The following ABCB5 variants were observed in gnomAD, a reference collection of about 807,000 sequenced individuals.
ABCB5 encodes ATP-binding cassette sub-family B member 5.
In ABCB5, 155 loss-of-function variants were observed where a neutral mutation model predicts 144.2. The ratio of observed to expected loss-of-function variants is 1.08; its 90% CI spans 0.94 to 1.23. The LOEUF (loss-of-function observed/expected upper bound fraction) is 1.23, where lower values mean the gene tolerates loss of function less well. Ranked by LOEUF, ABCB5 falls within the 50% of genes most tolerant of loss-of-function variation. ABCB5 has a pLI of 0.00. For missense variants in ABCB5, 1,830 were observed against 1,520.8 expected, an observed-to-expected ratio of 1.20 and a Z score of -3.38; for synonymous variants, 610 against 528.6, an observed-to-expected ratio of 1.15 and a Z score of -2.11.
intron 5 of ABCB5, among the ~76,000 whole-genome samples, chr7:20,638,983 T>C (rs546710043): frequency 5.7e-4 from 87 of 152,322 alleles, no homozygotes; most frequent in African/African-American, 2.0e-3. Flanking sequence ...ACCAGCAGTG[T>C]CTGAGGGTTC....
Position 20,742,938 on chromosome 7 carries a change from A to T in ABCB5, c.3086A>T (p.Asp1029Val). Reference sequence around the variant, plus strand: ...TCTTTCTTCTATCCATGTCGCCCAGATGTTTTCATCCTCCGTGGCTTATCC... The same window carrying T: ...TCTTTCTTCTATCCATGTCGCCCAGTTGTTTTCATCCTCCGTGGCTTATCC... ...EVSFFYPCRP[D>V]VFILRGLSLS... is the part of the protein sequence containing the mutation. Residue 1029 changes from aspartate to valine, a missense_variant, in exon 25 of 28, where the codon GAT becomes GTT. Coordinates refer to ENST00000404938, the MANE Select transcript of ABCB5 (RefSeq NM_001163941.2). The T allele has an allele frequency of 2.5e-6, 4 of 1,614,178 alleles. No homozygotes were observed. The highest frequency in any genetic ancestry group is 3.4e-6 in the Non-Finnish European group (4 of 1,180,038).
chr7:20,732,245 A>G (rs535444184), intron 23 of ABCB5, among the ~76,000 whole-genome samples: 83 of 151,722 alleles, frequency 5.5e-4, no homozygotes, highest in African/African-American at 1.9e-3. Context: ...TTTTCTTACC[A>G]CTCAGGCTTC....
intron 14 of ABCB5, among the ~76,000 whole-genome samples, chr7:20,665,129 G>A (rs1785131523): frequency 6.6e-6 from 1 of 152,088 alleles, no homozygotes; most frequent in African/African-American, 2.4e-5. Context: ...AGTACACGTG[G>A]GTTCATTTTA....
Position 20,645,979 on chromosome 7 carries a change from A to C in ABCB5, c.822A>C (p.Lys274Asn). 1 of 1,613,602 alleles carries C rather than the reference A, an allele frequency of 6.2e-7. No individual in the cohort carries two copies. The highest frequency in any genetic ancestry group is 8.5e-7 in the Non-Finnish European group (1 of 1,179,744). Residue 274 changes from lysine to asparagine, a missense_variant, in exon 9 of 28, where the codon AAA becomes AAC. Lys to Asn is a moderately conservative substitution (Grantham distance 94). Coordinates refer to ENST00000404938, the MANE Select transcript of ABCB5 (RefSeq NM_001163941.2). The stretch of plus-strand genomic sequence containing the variant: ...TTGTAAGGTATACACAGAATCTCAA[A>C]GATGCAAAGGATTTTGGCATAAAAA... ...KELQRYTQNL[K>N]DAKDFGIKRT...
At chr7:20,662,210 A>G (rs1441798937) in intron 14 of ABCB5, among the ~76,000 whole-genome samples, 1 of 135,920 alleles carries the variant, frequency 7.4e-6, no homozygotes, top group East Asian at 2.0e-4. Context: ...TTATGAAGGA[A>G]GAGTTATCAT....
At chr7:20,749,056 C>A (rs557252891) in intron 26 of ABCB5, among the ~76,000 whole-genome samples, 29 of 152,064 alleles carry the variant, frequency 1.9e-4, no homozygotes, top group African/African-American at 6.7e-4. Context: ...CTCTCCCTTT[C>A]TTTCTCTCTC....
At chr7:20,722,380 A>AGAGCC (rs1781896029) in intron 20 of ABCB5, among the ~76,000 whole-genome samples, 1 of 152,214 alleles carries the variant, frequency 6.6e-6, no homozygotes, top group Non-Finnish European at 1.5e-5. Context: ...AATCCTGCTA[A>AGAGCC]ACTATTTAAG....
intron 19 of ABCB5, among the ~76,000 whole-genome samples, chr7:20,700,461 GT>G (rs1439057831): frequency 9.2e-5 from 14 of 152,336 alleles, no homozygotes; most frequent in African/African-American, 3.1e-4. Flanking sequence ...AAAAGGAGAA[GT>G]AAGAGCTACC....
At chr7:20,669,383 A>G (rs1298001719) in intron 14 of ABCB5, among the ~76,000 whole-genome samples, 7 of 145,514 alleles carry the variant, frequency 4.8e-5, no homozygotes, top group Middle Eastern at 3.2e-3. Context: ...TTCTGTACTA[A>G]GAAAAATTCT....
chr7:20,666,487 TCTC>T (rs1200189328), intron 14 of ABCB5, among the ~76,000 whole-genome samples: 1 of 152,220 alleles, frequency 6.6e-6, no homozygotes, highest in African/African-American at 2.4e-5. Flanking sequence ...ATCTAGCTGA[TCTC>T]CTCAGGTCCG....
At chr7:20,740,706 GGCATAGACTA>G (rs1341402840) in intron 24 of ABCB5, among the ~76,000 whole-genome samples, 1 of 152,038 alleles carries the variant, frequency 6.6e-6, no homozygotes, top group Non-Finnish European at 1.5e-5. Context: ...CCATAGGCAT[GGCATAGACTA>G]TGGAAGTGTT....
chr7:20,659,172 C>T (rs905870028), intron 14 of ABCB5: 7 of 1,613,004 alleles, frequency 4.3e-6, no homozygotes, highest in Non-Finnish European at 5.9e-6. Flanking sequence ...TCACCCTGAC[C>T]TCCTGCTGCC....
chr7:20,623,719 T>A (rs1256273491), intron 2 of ABCB5, among the ~76,000 whole-genome samples: 2 of 152,210 alleles, frequency 1.3e-5, no homozygotes, highest in African/African-American at 4.8e-5. Context: ...TCGATTCCGA[T>A]TATTTTCTCT....
At chr7:20,698,368 C>A in intron 16 of ABCB5, 39 bp from the exon 17 acceptor site, 1 of 1,525,894 alleles carries the variant, frequency 6.6e-7, no homozygotes, top group Admixed American at 2.2e-5. Context: ...CTGTTATGCA[C>A]ACAAACTGGC....
intron 14 of ABCB5, among the ~76,000 whole-genome samples, chr7:20,673,394 T>A (rs1562555089): frequency 6.6e-6 from 1 of 152,064 alleles, no homozygotes; most frequent in Admixed American, 6.5e-5. Context: ...ACTTTTAGAT[T>A]TATTCTTGTA....
intron 14 of ABCB5, among the ~76,000 whole-genome samples, chr7:20,669,140 C>T (rs1475550251): frequency 6.6e-6 from 1 of 150,560 alleles, no homozygotes; most frequent in East Asian, 2.0e-4. Flanking sequence ...CTGCCCCATC[C>T]GGGAGGTGAG....
At chr7:20,698,340 G>T (rs1786494298) in intron 16 of ABCB5, 67 bp from the exon 17 acceptor site, 5 of 1,344,630 alleles carry the variant, frequency 3.7e-6, no homozygotes, top group South Asian at 1.6e-5. Flanking sequence ...GTTTATGATG[G>T]GCTAACTTCA....
At chr7:20,712,452 A>T (rs1211651259) in intron 20 of ABCB5, among the ~76,000 whole-genome samples, 1 of 149,378 alleles carries the variant, frequency 6.7e-6, no homozygotes, top group Non-Finnish European at 1.5e-5. Context: ...TTATTTATCT[A>T]AGTATTTTTT....
intron 3 of ABCB5, among the ~76,000 whole-genome samples, chr7:20,628,404 A>G (rs918235134): frequency 6.6e-6 from 1 of 152,114 alleles, no homozygotes; most frequent in African/African-American, 2.4e-5. Context: ...AATCCAGTCT[A>G]TCATTGATAG....
Sources: allele counts gnomAD v4.1 joint callset (sites outside exome capture counted in the v4.1 genomes callset), GRCh38; gene constraint gnomAD v4.1.1; transcripts MANE v1.5; gene names NCBI Gene and HGNC (gene_info 2026-07-23, HGNC 2026-07-21).